Variants in CHST11 observed in about 807,000 individuals in gnomAD.
The protein encoded by CHST11 is carbohydrate sulfotransferase 11.
A neutral mutation model predicts 30.4 loss-of-function variants in CHST11; 9 were observed. The ratio of observed to expected loss-of-function variants is 0.30; its 90% confidence interval spans 0.18 to 0.52. The LOEUF (loss-of-function observed/expected upper bound fraction) is 0.52. CHST11 is among the 20% of genes least tolerant of loss of function. CHST11 has a pLI of 0.97. For missense variants in CHST11, 348 were observed against 460.6 expected, an observed-to-expected ratio of 0.76 and a Z score of 2.24; for synonymous variants, 152 against 187.8, an observed-to-expected ratio of 0.81 and a Z score of 1.56.
At chr12:104,693,440 T>C (rs572821739) in intron 2 of CHST11, among the ~76,000 whole-genome samples, 7 of 152,300 alleles carry the variant, frequency 4.6e-5, no homozygotes, top group Admixed American at 4.6e-4. Context: ...AGGATCGTCA[T>C]TAATATTTGT....
chr12:104,728,726 C>T (rs537110516), intron 2 of CHST11, among the ~76,000 whole-genome samples: 1 of 152,266 alleles, frequency 6.6e-6, no homozygotes, highest in East Asian at 1.9e-4. Context: ...GGAAGGCTTG[C>T]TCCCACCCTA....
At chr12:104,587,641 A>C (rs573973823) in intron 1 of CHST11, among the ~76,000 whole-genome samples, 1 of 152,080 alleles carries the variant, frequency 6.6e-6, no homozygotes, top group African/African-American at 2.4e-5. Context: ...CAAGCAATCC[A>C]CCCGCCTTAG....
chr12:104,542,589 G>C (rs552131701), intron 1 of CHST11, among the ~76,000 whole-genome samples: 6 of 152,308 alleles, frequency 3.9e-5, no homozygotes, highest in African/African-American at 1.4e-4. Context: ...ACATGAAACT[G>C]GTATCAGTGA....
At chr12:104,719,993 C>T (rs2040160944) in intron 2 of CHST11, among the ~76,000 whole-genome samples, 1 of 152,250 alleles carries the variant, frequency 6.6e-6, no homozygotes, top group South Asian at 2.1e-4. Flanking sequence ...AATTCCCTCT[C>T]TCCAGACTAA....
intron 2 of CHST11, among the ~76,000 whole-genome samples, chr12:104,639,947 C>G (rs2039359615): frequency 6.6e-6 from 1 of 152,194 alleles, no homozygotes; most frequent in South Asian, 2.1e-4. Flanking sequence ...CAAAGGAGAT[C>G]TACAGATGGC....
chr12:104,561,077 G>A (rs895785509), intron 1 of CHST11, among the ~76,000 whole-genome samples: 3 of 152,124 alleles, frequency 2.0e-5, no homozygotes, highest in African/African-American at 7.3e-5. Context: ...TGCGAGATGA[G>A]TAAGATAATT....
intron 1 of CHST11, among the ~76,000 whole-genome samples, chr12:104,497,707 A>G (rs2037813000): frequency 2.0e-5 from 3 of 152,054 alleles, no homozygotes. Flanking sequence ...GTATGTCCAC[A>G]TCTGTCTTCT....
chr12:104,719,183 C>T (rs1293336075), intron 2 of CHST11, among the ~76,000 whole-genome samples: 6 of 152,196 alleles, frequency 3.9e-5, no homozygotes, highest in African/African-American at 1.2e-4. Flanking sequence ...CACTCCGCAA[C>T]GTACTGTCTT....
intron 1 of CHST11, among the ~76,000 whole-genome samples, chr12:104,470,350 GGA>G (rs1194316392): frequency 2.0e-5 from 3 of 152,178 alleles, no homozygotes; most frequent in Non-Finnish European, 4.4e-5. Context: ...CAGGGCAGCA[GGA>G]GAGAGAATGT....
intron 2 of CHST11, among the ~76,000 whole-genome samples, chr12:104,674,035 C>A (rs1418514810): frequency 6.6e-6 from 1 of 152,192 alleles, no homozygotes; most frequent in African/African-American, 2.4e-5. Context: ...TAGTTTTAGT[C>A]GATTTCCTCC....
chr12:104,514,064 TCTGG>T, intron 1 of CHST11: 2 of 1,036,052 alleles, frequency 1.9e-6, no homozygotes, highest in Non-Finnish European at 3.0e-6. Flanking sequence ...TTTCTCTAGC[TCTGG>T]TTTACTGTGG....
chr12:104,756,535 GTGT>G (rs2136149392), intron 2 of CHST11, among the ~76,000 whole-genome samples: 1 of 148,566 alleles, frequency 6.7e-6, no homozygotes, highest in African/African-American at 2.5e-5. Context: ...CATGTGGGGT[GTGT>G]GTGTGTGTGT....
chr12:104,514,222 C>T, intron 1 of CHST11: 1 of 884,512 alleles, frequency 1.1e-6, no homozygotes, highest in Non-Finnish European at 1.9e-6. Context: ...GACATTGACA[C>T]AGCAGCCAAG....
intron 2 of CHST11, among the ~76,000 whole-genome samples, chr12:104,659,585 A>G (rs995560040): frequency 5.3e-5 from 8 of 152,348 alleles, no homozygotes; most frequent in East Asian, 3.9e-4. Context: ...CAAAAAATGT[A>G]AATGATCTCA....
At chr12:104,711,558 A>C (rs1420158348) in intron 2 of CHST11, among the ~76,000 whole-genome samples, 4 of 152,088 alleles carry the variant, frequency 2.6e-5, no homozygotes, top group Non-Finnish European at 4.4e-5. Flanking sequence ...ATTGAATCCA[A>C]AGTGGGGGAT....
At chr12:104,478,593 A>C (rs2037587847) in intron 1 of CHST11, among the ~76,000 whole-genome samples, 1 of 152,208 alleles carries the variant, frequency 6.6e-6, no homozygotes. Flanking sequence ...GGATGTGGTC[A>C]GTTAGCTTCG....
rs554672623 is a variant in CHST11 at position 104,578,301 on chromosome 12, G to A, written c.119-23605G>A. ...TCCCAGTCGTTGAACCCCGAGTTCC[G>A]TTGAACTAGATGCCTTGTAATATAA... On this transcript the variant is annotated intron_variant, in intron 1 of 2. Coordinates refer to ENST00000303694, the MANE Select transcript of CHST11 (RefSeq NM_018413.6). Among the ~76,000 whole-genome samples, 393 of 152,270 alleles carry A rather than the reference G, an allele frequency of 2.6e-3. 2 individuals are homozygous for A. Among genetic ancestry groups the A allele is most frequent in the African/African-American group, 8.5e-3 (355 of 41,546 alleles).
At chr12:104,649,654 AAAG>A (rs2039472922) in intron 2 of CHST11, among the ~76,000 whole-genome samples, 1 of 152,248 alleles carries the variant, frequency 6.6e-6, no homozygotes, top group Admixed American at 6.5e-5. Context: ...ATAATTTTAA[AAAG>A]AAGAAGGAAG....
chr12:104,690,107 A>T (rs1365786830), intron 2 of CHST11, among the ~76,000 whole-genome samples: 2 of 152,230 alleles, frequency 1.3e-5, no homozygotes, highest in African/African-American at 4.8e-5. Flanking sequence ...ATTTATTCCC[A>T]TGTAGCCACA....
Sources: gnomAD v4.1 joint callset for allele counts (sites outside exome capture counted in the v4.1 genomes callset) on GRCh38, gnomAD v4.1.1 for gene constraint, MANE v1.5 for transcripts, NCBI Gene and HGNC (gene_info 2026-07-23, HGNC 2026-07-21) for gene names.